Variants in HMGA2 observed in about 807,000 individuals in gnomAD.
HMGA2 encodes the protein high mobility group AT-hook 2.
A neutral mutation model predicts 19.1 loss-of-function variants in HMGA2; 8 were observed. That is an observed-to-expected ratio of 0.42 (90% CI 0.25 to 0.76). The LOEUF (loss-of-function observed/expected upper bound fraction) is 0.76. Among genes scored for constraint, HMGA2 ranks in the 30% least tolerant of loss-of-function variants. HMGA2 has a pLI of 0.28. For synonymous variants in HMGA2, 60 were observed against 48.8 expected (o/e 1.23, Z -0.96); for missense variants, 109 against 136.3 (o/e 0.80, Z 1.00).
In HMGA2 at chr12:65,855,387, T is replaced by C. The variant is rs1299149396; in HGVS notation, c.249+16818T>C. ...TGTTTAGGTTCCCCAAATAAAAATTTCATATTACAACTATGTCTCTCTCTT... is the reference window on the plus strand; with the variant it reads ...TGTTTAGGTTCCCCAAATAAAAATTCCATATTACAACTATGTCTCTCTCTT... On this transcript the variant is annotated intron_variant, in intron 3 of 4. Coordinates refer to ENST00000403681, the MANE Select transcript of HMGA2 (RefSeq NM_003483.6). Among the ~76,000 whole-genome samples the C allele has an allele frequency of 2.0e-5, 3 of 152,052 alleles. No homozygotes were observed. The South Asian group carries it at 6.2e-4, about 32-fold the overall frequency.
chr12:65,946,160 T>G (rs1876256778), intron 3 of HMGA2, among the ~76,000 whole-genome samples: 1 of 152,168 alleles, frequency 6.6e-6, no homozygotes, highest in Admixed American at 6.5e-5. Flanking sequence ...TCTTTATTAG[T>G]AAATAGCTAG....
chr12:65,939,098 T>A (rs576650357), intron 3 of HMGA2, among the ~76,000 whole-genome samples: 1 of 152,336 alleles, frequency 6.6e-6, no homozygotes, highest in African/African-American at 2.4e-5. Flanking sequence ...GTTGGAAACC[T>A]TTTTTGAATA....
At chr12:65,873,145 G>A (rs576857379) in intron 3 of HMGA2, among the ~76,000 whole-genome samples, 5 of 152,164 alleles carry the variant, frequency 3.3e-5, no homozygotes, top group Non-Finnish European at 5.9e-5. Flanking sequence ...ACTTTTACCC[G>A]TCTACTATAA....
intron 3 of HMGA2, among the ~76,000 whole-genome samples, chr12:65,877,298 G>A (rs1020873937): frequency 6.6e-5 from 10 of 152,154 alleles, no homozygotes; most frequent in African/African-American, 2.4e-4. Flanking sequence ...GGGAAGCTTT[G>A]CCTTTAGGAG....
intron 1 of HMGA2, chr12:65,826,975 G>C (rs917671210): frequency 2.0e-5 from 3 of 152,148 alleles, no homozygotes; most frequent in African/African-American, 7.2e-5. Flanking sequence ...AATGGGATGC[G>C]AATTTTCATT....
chr12:65,934,184 G>A (rs1875814076), intron 3 of HMGA2, among the ~76,000 whole-genome samples: 1 of 152,182 alleles, frequency 6.6e-6, no homozygotes, highest in African/African-American at 2.4e-5. Context: ...TACATTGCGA[G>A]ATATTATTCC....
chr12:65,913,401 T>C (rs938046467), intron 3 of HMGA2, among the ~76,000 whole-genome samples: 13 of 152,188 alleles, frequency 8.5e-5, no homozygotes, highest in African/African-American at 2.9e-4. Context: ...AGTGCAATCC[T>C]TCTGGTAAGG....
intron 3 of HMGA2, among the ~76,000 whole-genome samples, chr12:65,903,539 G>A (rs919859294): frequency 5.9e-5 from 9 of 152,190 alleles, no homozygotes; most frequent in African/African-American, 1.9e-4. Flanking sequence ...AGACATCGCC[G>A]GGGAGGTGGG....
At chr12:65,831,633 T>C (rs1870483366) in intron 2 of HMGA2, among the ~76,000 whole-genome samples, 1 of 151,862 alleles carries the variant, frequency 6.6e-6, no homozygotes, top group Non-Finnish European at 1.5e-5. Flanking sequence ...TTAATCTCTA[T>C]GTTTGATTTG....
intron 3 of HMGA2, among the ~76,000 whole-genome samples, chr12:65,920,705 G>A (rs959453271): frequency 2.6e-5 from 4 of 152,094 alleles, no homozygotes; most frequent in South Asian, 2.1e-4. Context: ...AGTGCCGTTC[G>A]CCTCCCGCTA....
rs556570335 is a variant in HMGA2, at chr12:65,879,180, T to C, written c.249+40611T>C. On this transcript the variant is annotated intron_variant, in intron 3 of 4. Transcript: ENST00000403681. ...TCTAGCTCTGTCGCCCAGGCGGGAG[T>C]GCAGTGGCATGATCACGGCTCACTG... 2.6e-5 allele frequency among the ~76,000 whole-genome samples: 4 copies of C among 152,324 alleles called. No homozygotes were observed. The South Asian group carries it at 6.2e-4, about 24-fold the overall frequency.
intron 3 of HMGA2, among the ~76,000 whole-genome samples, chr12:65,945,039 A>T (rs1203467770): frequency 6.9e-6 from 1 of 144,632 alleles, no homozygotes. Context: ...TAGCCCTAAG[A>T]TTTTTTTTTT....
chr12:65,946,958 AATG>A (rs1876286888), intron 3 of HMGA2, among the ~76,000 whole-genome samples: 1 of 152,132 alleles, frequency 6.6e-6, no homozygotes, highest in Non-Finnish European at 1.5e-5. Flanking sequence ...ATACTTTAAC[AATG>A]ATATTTATTT....
intron 3 of HMGA2, among the ~76,000 whole-genome samples, chr12:65,861,344 C>A (rs912817406): frequency 1.3e-5 from 2 of 151,742 alleles, no homozygotes; most frequent in Non-Finnish European, 2.9e-5. Flanking sequence ...TCCAGCCTGG[C>A]GACAGAGCAA....
chr12:65,864,761 T>C (rs953585826), intron 3 of HMGA2, among the ~76,000 whole-genome samples: 2 of 152,204 alleles, frequency 1.3e-5, no homozygotes, highest in Admixed American at 1.3e-4. Flanking sequence ...AACAGAAGCA[T>C]AAAATTGTCA....
At chr12:65,863,070 G>C (rs1180886124) in intron 3 of HMGA2, among the ~76,000 whole-genome samples, 4 of 152,148 alleles carry the variant, frequency 2.6e-5, no homozygotes, top group Non-Finnish European at 4.4e-5. Context: ...TTACCACTGG[G>C]ATAATCAACA....
chr12:65,879,773 C>T (rs1287020976), intron 3 of HMGA2, among the ~76,000 whole-genome samples: 1 of 152,268 alleles, frequency 6.6e-6, no homozygotes, highest in East Asian at 1.9e-4. Context: ...TATATTTATG[C>T]ATATGTGGAT....
chr12:65,910,492 T>A (rs1874797399), intron 3 of HMGA2, among the ~76,000 whole-genome samples: 1 of 152,236 alleles, frequency 6.6e-6, no homozygotes, highest in Admixed American at 6.5e-5. Flanking sequence ...GTTGTCCCAA[T>A]GTTATAGATT....
At chr12:65,896,889 A>G (rs1185394702) in intron 3 of HMGA2, among the ~76,000 whole-genome samples, 2 of 152,238 alleles carry the variant, frequency 1.3e-5, no homozygotes, top group African/African-American at 4.8e-5. Context: ...ACTTAACACA[A>G]GAATTCAACT....
Sources: allele counts gnomAD v4.1 joint callset (sites outside exome capture counted in the v4.1 genomes callset), GRCh38; gene constraint gnomAD v4.1.1; transcripts MANE v1.5; gene names NCBI Gene and HGNC (gene_info 2026-07-23, HGNC 2026-07-21).